Variants in ACYP2 observed in about 807,000 individuals in gnomAD.
ACYP2 encodes the protein acylphosphatase 2.
ACYP2 carries 12 observed loss-of-function variants against 11.2 expected under a neutral mutation model. The ratio of observed to expected loss-of-function variants is 1.08; its 90% CI spans 0.69 to 1.74. ACYP2 has a LOEUF of 1.74. Ranked by LOEUF, ACYP2 falls within the 40% of genes most tolerant of loss-of-function variation. The pLI is 0.00. For missense variants in ACYP2, 134 were observed against 101.9 expected (o/e 1.31, Z -1.35); for synonymous variants, 43 against 32.2 (o/e 1.33, Z -1.13).
At chr2:54,036,945 C>A (rs1010518845) in intron 2 of ACYP2, among the ~76,000 whole-genome samples, 1 of 152,104 alleles carries the variant, frequency 6.6e-6, no homozygotes, top group East Asian at 1.9e-4. Context: ...AGGTCCCTCT[C>A]CTCTGATTTC....
chr2:54,048,956 G>T (rs1165213068), intron 2 of ACYP2, among the ~76,000 whole-genome samples: 1 of 152,162 alleles, frequency 6.6e-6, no homozygotes, highest in African/African-American at 2.4e-5. Context: ...CTATGTGTCA[G>T]TGTCTGTTCT....
At chr2:54,002,789 T>C (rs1672864599) in intron 2 of ACYP2, among the ~76,000 whole-genome samples, 1 of 151,636 alleles carries the variant, frequency 6.6e-6, no homozygotes, top group East Asian at 1.9e-4. Flanking sequence ...GTAGCTGGGA[T>C]TACAGGCATG....
chr2:54,099,114 C>G (rs1005126739), intron 4 of ACYP2, among the ~76,000 whole-genome samples: 1 of 152,156 alleles, frequency 6.6e-6, no homozygotes. Context: ...TTCCCTTCAC[C>G]TGCTGTTCCT....
chr2:54,258,665 C>G (rs1262171112), intron 6 of ACYP2, among the ~76,000 whole-genome samples: 1 of 151,984 alleles, frequency 6.6e-6, no homozygotes, highest in Non-Finnish European at 1.5e-5. Flanking sequence ...CTGCAGTAAC[C>G]CAGGTGAAAG....
intron 6 of ACYP2, among the ~76,000 whole-genome samples, chr2:54,167,464 G>A (rs536504889): frequency 1.2e-4 from 18 of 152,090 alleles, no homozygotes; most frequent in African/African-American, 3.4e-4. Context: ...AGAGAATAGC[G>A]TAATACCCAC....
intron 6 of ACYP2, among the ~76,000 whole-genome samples, chr2:54,239,656 G>A (rs1686645935): frequency 6.6e-6 from 1 of 152,088 alleles, no homozygotes; most frequent in Non-Finnish European, 1.5e-5. Context: ...GAAACTCCAG[G>A]GGGTTGTCTA....
intron 6 of ACYP2, among the ~76,000 whole-genome samples, chr2:54,290,373 A>T (rs1332392641): frequency 1.3e-5 from 2 of 151,960 alleles, no homozygotes; most frequent in Non-Finnish European, 2.9e-5. Context: ...CCTTAAATAA[A>T]TCTGTTCCCC....
At chr2:54,064,233 C>T (rs1213199406) in intron 4 of ACYP2, among the ~76,000 whole-genome samples, 1 of 152,110 alleles carries the variant, frequency 6.6e-6, no homozygotes, top group Non-Finnish European at 1.5e-5. Flanking sequence ...GGCAGGAGGC[C>T]CACTGCCTTC....
rs1196511602 is a variant in ACYP2, at chr2:54,078,465, T to C, written c.277+21105T>C. Among the ~76,000 whole-genome samples, 14 of 151,506 alleles carry C rather than the reference T, an allele frequency of 9.2e-5. No homozygotes were observed. The East Asian group carries it at 2.5e-3, about 27-fold the overall frequency. On this transcript the variant is annotated intron_variant, in intron 4 of 6. Coordinates refer to ENST00000607452, the MANE Select transcript of ACYP2 (RefSeq NM_001320586.2). The stretch of plus-strand genomic sequence containing the variant: ...AACCAGCTCCTGTCGCTATTATTAT[T>C]ATCTGTACAACTCATTGGAAGCTAT...
At chr2:54,250,955 A>G (rs1369184667) in intron 6 of ACYP2, among the ~76,000 whole-genome samples, 1 of 152,260 alleles carries the variant, frequency 6.6e-6, no homozygotes, top group Non-Finnish European at 1.5e-5. Flanking sequence ...AAACTTTGAA[A>G]TATAGAGCAT....
chr2:54,115,283 C>G (rs1242060059), intron 4 of ACYP2: 2 of 444,604 alleles, frequency 4.5e-6, no homozygotes, highest in Non-Finnish European at 7.9e-6. Context: ...TTGTACACCA[C>G]AAATATACCC....
chr2:53,992,192 C>T (rs1488497678), intron 2 of ACYP2, among the ~76,000 whole-genome samples: 1 of 150,210 alleles, frequency 6.7e-6, no homozygotes, highest in Admixed American at 6.7e-5. Context: ...CCTTCTTTCT[C>T]CTTCCTTCCT....
At chr2:54,009,206 G>T (rs956157598) in intron 2 of ACYP2, among the ~76,000 whole-genome samples, 2 of 151,918 alleles carry the variant, frequency 1.3e-5, no homozygotes, top group Non-Finnish European at 2.9e-5. Flanking sequence ...GGAAAGTAGG[G>T]GTGGTTTTGA....
intron 3 of ACYP2, chr2:54,051,346 G>T: frequency 1.3e-6 from 1 of 763,020 alleles, no homozygotes; most frequent in Non-Finnish European, 2.4e-6. Flanking sequence ...GAAGTGCTCA[G>T]AGAGGTGGAA....
At chr2:54,296,184 G>A (rs1689515826) in intron 6 of ACYP2, among the ~76,000 whole-genome samples, 1 of 152,192 alleles carries the variant, frequency 6.6e-6, no homozygotes, top group Non-Finnish European at 1.5e-5. Flanking sequence ...CAACAGAGTA[G>A]GGGTGGGGCC....
At position 54,070,099 on chromosome 2, in the gene ACYP2, C is replaced by T. The variant is rs531536234; in HGVS notation, c.277+12739C>T. Among the ~76,000 whole-genome samples, 8 of 152,008 alleles carry T rather than the reference C, an allele frequency of 5.3e-5. No homozygotes were observed. In the East Asian group the frequency reaches 5.8e-4, roughly 11 times the overall value. Reference sequence around the variant, plus strand: ...CAGCCTGACCAACATGGAAAAACCTCGTCTCTACTAAAAATACAAAATTAG... The same window carrying T: ...CAGCCTGACCAACATGGAAAAACCTTGTCTCTACTAAAAATACAAAATTAG... On this transcript the variant is annotated intron_variant, in intron 4 of 6. Transcript: ENST00000607452.
At chr2:54,284,173 T>A (rs560091291) in intron 6 of ACYP2, among the ~76,000 whole-genome samples, 1 of 152,346 alleles carries the variant, frequency 6.6e-6, no homozygotes, top group South Asian at 2.1e-4. Flanking sequence ...ATCATATAAT[T>A]AAAAGCCAAA....
intron 2 of ACYP2, among the ~76,000 whole-genome samples, chr2:54,020,422 T>C (rs901908962): frequency 2.0e-5 from 3 of 152,168 alleles, no homozygotes; most frequent in Non-Finnish European, 4.4e-5. Context: ...AAACAGTGGG[T>C]CAAATGTTTG....
chr2:54,255,608 C>T (rs1311286796), intron 6 of ACYP2: 2 of 1,613,646 alleles, frequency 1.2e-6, no homozygotes, highest in Non-Finnish European at 1.7e-6. Context: ...CTGTTTACCT[C>T]ATCTATTGCT....
Sources: allele counts gnomAD v4.1 joint callset (sites outside exome capture counted in the v4.1 genomes callset), GRCh38; gene constraint gnomAD v4.1.1; transcripts MANE v1.5; gene names NCBI Gene and HGNC (gene_info 2026-07-23, HGNC 2026-07-21).